Variants in LIPM observed in about 807,000 individuals in gnomAD.
LIPM encodes lipase family member M.
Under a neutral mutation model 42.4 loss-of-function variants are expected in LIPM, and 42 were observed. The observed-to-expected ratio is 0.99, with a 90% CI of 0.77 to 1.28. The LOEUF (loss-of-function observed/expected upper bound fraction) is 1.28, where lower values mean the gene tolerates loss of function less well. LIPM is among the 50% of genes most tolerant of loss of function. The pLI is 0.00. For missense variants in LIPM, 524 were observed against 520.1 expected, an observed-to-expected ratio of 1.01 and a Z score of -0.07; for synonymous variants, 177 against 173.3, an observed-to-expected ratio of 1.02 and a Z score of -0.17.
chr10:88,820,275 C>A lies in LIPM; in HGVS notation c.1046C>A (p.Thr349Lys), dbSNP rs1176159441. ...AGAGTCAGAGATATGACGGTCCCTACAGCAATGTGGACAGGAGGTCAGGAC... is the reference window on the plus strand; with the variant it reads ...AGAGTCAGAGATATGACGGTCCCTAAAGCAATGTGGACAGGAGGTCAGGAC... ...RYRVRDMTVP[T>K]AMWTGGQDWL... Residue 349 changes from threonine to lysine, a missense_variant, in exon 9 of 9, where the codon ACA becomes AAA. By Grantham distance (78) the Thr-to-Lys change is moderately conservative (BLOSUM62 -1). Transcript: ENST00000404743. 2 of 1,551,776 alleles carry A rather than the reference C, an allele frequency of 1.3e-6. No homozygotes were observed. Among genetic ancestry groups the A allele is most frequent in the African/African-American group, 2.7e-5 (2 of 73,062 alleles).
intron 3 of LIPM, 67 bp downstream of exon 3, chr10:88,813,362 CGG>C: frequency 7.8e-7 from 1 of 1,280,182 alleles, no homozygotes; most frequent in Non-Finnish European, 1.1e-6. Flanking sequence ...TAAAAAATTA[CGG>C]CTTCTAGTAT....
chr10:88,804,626 C>T (rs1002786187), intron 1 of LIPM, among the ~76,000 whole-genome samples: 2 of 151,964 alleles, frequency 1.3e-5, no homozygotes, highest in African/African-American at 4.8e-5. Flanking sequence ...CTTTAGTTGC[C>T]CCGGCTGCTC....
chr10:88,816,420 G>A lies in LIPM; in HGVS notation c.859-396G>A, dbSNP rs368927491. ...TTTATTACCTATACCAAGCCTATGA[G>A]TGTTATTAATATCCCCACTTTGCAG... On this transcript the variant is annotated intron_variant, in intron 6 of 8. Coordinates refer to ENST00000404743, the MANE Select transcript of LIPM (RefSeq NM_001128215.1). Among the ~76,000 whole-genome samples, 23 of 152,256 alleles carry A rather than the reference G, an allele frequency of 1.5e-4. No homozygotes were observed. In the East Asian group the frequency reaches 3.7e-3, roughly 24 times the overall value.
chr10:88,808,474 T>C (rs1843615536), intron 2 of LIPM, 59 bp downstream of exon 2: 1 of 1,011,640 alleles, frequency 9.9e-7, no homozygotes, highest in Non-Finnish European at 1.5e-6. Flanking sequence ...ACGATTTCCT[T>C]GTGATTTGAA....
Position 88,802,777 on chromosome 10 carries a change from A to G in LIPM, c.-120A>G. On this transcript the variant is annotated 5_prime_UTR_variant, in exon 1 of 9. Transcript: ENST00000404743. ...CAACTAAGCTTGCCTAATTTGCTTC[A>G]GAATTGGAAGAGGGAATTGCAGCAG... 1 of 1,078,062 alleles carries G rather than the reference A, an allele frequency of 9.3e-7. No homozygotes were observed. Among genetic ancestry groups the G allele is most frequent in the Non-Finnish European group, 1.3e-6 (1 of 762,502 alleles). The allele number at this position is 1,078,062 out of a possible 1,614,324, so 66.8% of individuals were successfully genotyped here. A position where few individuals can be genotyped will look rare whatever the true frequency, so the allele number is the denominator to read the frequency against.
At position 88,820,245 on chromosome 10, in the gene LIPM, G is replaced by T; in HGVS notation, c.1016G>T (p.Arg339Met). 6.4e-7 allele frequency: 1 copy of T among 1,551,126 alleles called. No homozygotes were observed. Among genetic ancestry groups the T allele is most frequent in the Non-Finnish European group, 8.7e-7 (1 of 1,146,902 alleles). ...LEKCNQPTPVRYRVRDMTVPT... is the reference protein window; with the variant it reads ...LEKCNQPTPVMYRVRDMTVPT... ...CCTTTTCTCTAGCCAACTCCTGTAA[G>T]GTACAGAGTCAGAGATATGACGGTC... Residue 339 changes from arginine to methionine, a missense_variant, in exon 9 of 9, where the codon AGG becomes ATG. Physicochemically the swap from Arg to Met is moderately conservative, Grantham distance 91. Coordinates refer to ENST00000404743, the MANE Select transcript of LIPM (RefSeq NM_001128215.1).
At chr10:88,814,262 G>A (rs879503387) in intron 3 of LIPM, among the ~76,000 whole-genome samples, 3 of 152,130 alleles carry the variant, frequency 2.0e-5, no homozygotes, top group African/African-American at 4.8e-5. Context: ...TAGCAGTTGC[G>A]TTATGTGCTC....
At chr10:88,805,866 T>G in intron 1 of LIPM, 1 of 422,288 alleles carries the variant, frequency 2.4e-6, no homozygotes, top group Non-Finnish European at 4.7e-6. Context: ...GAATCAGGAG[T>G]AAGGAAAGAG....
intron 2 of LIPM, among the ~76,000 whole-genome samples, chr10:88,811,318 A>G (rs1230753923): frequency 6.6e-6 from 1 of 152,228 alleles, no homozygotes; most frequent in Non-Finnish European, 1.5e-5. Context: ...TGAAGCTCAG[A>G]AAGTCACTTG....
Position 88,820,403 on chromosome 10 carries a change from G to T in LIPM, c.1174G>T (p.Gly392Cys). Residue 392 changes from glycine (G) to cysteine (C), a missense_variant, in exon 9 of 9, where the codon GGT becomes TGT. Transcript: ENST00000404743. ...ATGGGCTCACGTGGATTTCATCTGG[G>T]GTTTGGATGCTCCTCACCGTATGTA... Reference protein sequence around the residue: ...PEWAHVDFIWGLDAPHRMYNE... With the variant: ...PEWAHVDFIWCLDAPHRMYNE... 6.4e-7 allele frequency: 1 copy of T among 1,552,138 alleles called. No individual in the cohort carries two copies. Among genetic ancestry groups the T allele is most frequent in the Middle Eastern group, 1.7e-4 (1 of 5,996 alleles).
chr10:88,816,999 T>C, intron 7 of LIPM, 112 bp downstream of exon 7: 1 of 800,248 alleles, frequency 1.2e-6, no homozygotes, highest in South Asian at 1.5e-5. Flanking sequence ...TATTCTAAGA[T>C]GAAATGCAGT....
rs771833686 is a variant in LIPM at position 88,813,128 on chromosome 10, C to T, written c.297C>T (p.Gly99=). The change falls in exon 3 of 9, where the codon GGC becomes GGT. Residue 99 remains glycine (G), a synonymous_variant. Coordinates refer to ENST00000404743, the MANE Select transcript of LIPM (RefSeq NM_001128215.1). ...GSRPVVLLQH[G]LVGGASNWIS... ...GGCCTGTGGTGTTACTGCAGCATGG[C>T]CTAGTTGGAGGTGCTAGCAACTGGA... 30 of 1,605,520 alleles carry T rather than the reference C, an allele frequency of 1.9e-5. No homozygotes were observed. Among genetic ancestry groups the T allele is most frequent in the Non-Finnish European group, 2.4e-5 (28 of 1,175,552 alleles).
chr10:88,815,551 A>AT, intron 6 of LIPM, 48 bp downstream of exon 6: 1 of 1,527,272 alleles, frequency 6.5e-7, no homozygotes, highest in Non-Finnish European at 8.9e-7. Context: ...TAAAGCTGGG[A>AT]GTCATATGGC....
chr10:88,805,459 T>C (rs1049041848), intron 1 of LIPM, among the ~76,000 whole-genome samples: 3 of 152,230 alleles, frequency 2.0e-5, no homozygotes, highest in Non-Finnish European at 2.9e-5. Context: ...CATTGACTTT[T>C]TTATACTATT....
At chr10:88,809,400 A>C (rs1174086825) in intron 2 of LIPM, among the ~76,000 whole-genome samples, 1 of 151,960 alleles carries the variant, frequency 6.6e-6, no homozygotes, top group East Asian at 1.9e-4. Context: ...ATTTGGCTGG[A>C]TTCTTTTTAA....
intron 6 of LIPM, among the ~76,000 whole-genome samples, chr10:88,816,169 G>A (rs1207470225): frequency 6.6e-6 from 1 of 152,120 alleles, no homozygotes; most frequent in African/African-American, 2.4e-5. Context: ...ATATCAGTCA[G>A]TCATTTAATG....
intron 1 of LIPM, chr10:88,805,929 G>C (rs565655214): frequency 2.2e-6 from 1 of 456,288 alleles, no homozygotes; most frequent in South Asian, 1.6e-5. Context: ...ACTCCATGAG[G>C]AGCTATGGAG....
Position 88,815,731 on chromosome 10 carries a change from G to A in LIPM, c.858+228G>A, listed in dbSNP as rs140351971. On this transcript the variant is annotated intron_variant, in intron 6 of 8. Transcript: ENST00000404743. ...ATTAAATCACAGATTATAGATGGAA[G>A]AGGTCTGAAAGCAGCTTTACTACAG... 2.9e-4 allele frequency among the ~76,000 whole-genome samples: 44 copies of A among 152,358 alleles called. 1 individual carries two copies. In the East Asian group the frequency reaches 8.1e-3, roughly 28 times the overall value.
chr10:88,815,165 G>A lies in LIPM; in HGVS notation c.652G>A (p.Val218Ile). ...TTTTGCTTTAGCACCCATAGCCACT[G>A]TTAAGCATGCAAAAAGCCCCGGGAC... Reference protein sequence around the residue: ...MYFALAPIATVKHAKSPGTKF... With the variant: ...MYFALAPIATIKHAKSPGTKF... The change falls in exon 5 of 9, where the codon GTT (valine) becomes ATT (isoleucine). Residue 218 changes from valine (V) to isoleucine (I), a missense_variant. Coordinates refer to ENST00000404743, the MANE Select transcript of LIPM (RefSeq NM_001128215.1). 2 of 1,551,918 alleles carry A rather than the reference G, an allele frequency of 1.3e-6. No individual in the cohort carries two copies. The highest frequency in any genetic ancestry group is 1.7e-6 in the Non-Finnish European group (2 of 1,147,018).
Sources: allele counts gnomAD v4.1 joint callset (sites outside exome capture counted in the v4.1 genomes callset), GRCh38; gene constraint gnomAD v4.1.1; transcripts MANE v1.5; gene names NCBI Gene and HGNC (gene_info 2026-07-23, HGNC 2026-07-21).